HDAC9: variants seen among roughly 807,000 people sequenced by gnomAD.
HDAC9 encodes the protein histone deacetylase 9, also known as MEF-2 interacting transcription repressor (MITR) protein.
HDAC9 carries 41 observed loss-of-function variants against 139.4 expected under a neutral mutation model. That is an observed-to-expected ratio of 0.29 (90% CI 0.23 to 0.38). The LOEUF (loss-of-function observed/expected upper bound fraction) is 0.38. Ranked by LOEUF, HDAC9 falls within the 10% of genes least tolerant of loss-of-function variation. HDAC9 has a pLI of 1.00. For missense variants in HDAC9, 1,147 were observed against 1,297.0 expected, an observed-to-expected ratio of 0.88 and a Z score of 1.78; for synonymous variants, 517 against 476.2, an observed-to-expected ratio of 1.09 and a Z score of -1.12.
intron 2 of HDAC9, among the ~76,000 whole-genome samples, chr7:18,225,260 C>G (rs562051876): frequency 6.6e-6 from 1 of 152,292 alleles, no homozygotes; most frequent in South Asian, 2.1e-4. Flanking sequence ...AAGTTATACA[C>G]TGAGTATGCC....
At chr7:18,685,334 A>T in intron 12 of HDAC9, among the ~76,000 whole-genome samples, 1 of 151,952 alleles carries the variant, frequency 6.6e-6, no homozygotes, top group African/African-American at 2.4e-5. Context: ...GGCCTATGTG[A>T]TGGAGAAGCA....
intron 23 of HDAC9, among the ~76,000 whole-genome samples, chr7:18,952,527 A>G (rs1449495420): frequency 6.6e-6 from 1 of 151,976 alleles, no homozygotes; most frequent in Non-Finnish European, 1.5e-5. Flanking sequence ...AAGATATTTT[A>G]TTAGTAAAAT....
At chr7:18,092,272 C>T (rs1167706978) in intron 1 of HDAC9, among the ~76,000 whole-genome samples, 1 of 152,068 alleles carries the variant, frequency 6.6e-6, no homozygotes, top group African/African-American at 2.4e-5. Flanking sequence ...TGCCTGAAGT[C>T]CCAGCTAGTT....
chr7:18,713,690 C>T (rs1784504311), intron 12 of HDAC9, among the ~76,000 whole-genome samples: 1 of 151,928 alleles, frequency 6.6e-6, no homozygotes, highest in African/African-American at 2.4e-5. Context: ...GAAAAATCAA[C>T]ATGTGCATAA....
At chr7:18,744,342 T>C (rs1448901123) in intron 13 of HDAC9, among the ~76,000 whole-genome samples, 1 of 152,210 alleles carries the variant, frequency 6.6e-6, no homozygotes, top group African/African-American at 2.4e-5. Context: ...TGCTAGAATC[T>C]GGAACATAGT....
rs1395481488 is a variant in HDAC9, at chr7:18,332,148, C to T, written c.-42+41633C>T. On this transcript the variant is annotated intron_variant, in intron 1 of 3. Coordinates refer to the HDAC9 transcript ENST00000413509. The stretch of plus-strand genomic sequence containing the variant: ...TCTAACAGAGTGAGTAATTCACACA[C>T]AGATACTTAATAATTTCCCTGATTA... 2.0e-5 allele frequency among the ~76,000 whole-genome samples: 3 copies of T among 151,670 alleles called. No homozygotes were observed. In the Admixed American group the frequency reaches 2.0e-4, roughly 10 times the overall value.
chr7:18,210,484 T>C (rs1159279663), intron 2 of HDAC9, among the ~76,000 whole-genome samples: 1 of 152,212 alleles, frequency 6.6e-6, no homozygotes, highest in Non-Finnish European at 1.5e-5. Context: ...CCTTTAGAAC[T>C]AAAGATATGT....
At chr7:18,168,895 T>G (rs146702536) in intron 2 of HDAC9, among the ~76,000 whole-genome samples, 13,296 of 117,016 alleles carry the variant, frequency 0.11, 877 homozygotes, top group African/African-American at 0.25. Context: ...TTTTTTTTTT[T>G]TTTGTGTGTG....
chr7:18,120,457 C>G (rs962891858), intron 1 of HDAC9, among the ~76,000 whole-genome samples: 1 of 152,192 alleles, frequency 6.6e-6, no homozygotes, highest in Admixed American at 6.5e-5. Flanking sequence ...CCATTCCAGT[C>G]TGTAAAGCCA....
At chr7:18,174,808 C>G (rs1000275887) in intron 2 of HDAC9, among the ~76,000 whole-genome samples, 1 of 152,154 alleles carries the variant, frequency 6.6e-6, no homozygotes, top group Non-Finnish European at 1.5e-5. Flanking sequence ...ATATTGCTGC[C>G]TGATCCTTCC....
At chr7:18,181,943 C>T (rs1031595593) in intron 2 of HDAC9, among the ~76,000 whole-genome samples, 5 of 152,196 alleles carry the variant, frequency 3.3e-5, no homozygotes, top group Non-Finnish European at 5.9e-5. Flanking sequence ...GAGATCACAT[C>T]TGGCTCAAGG....
At chr7:18,542,558 T>A (rs893517057) in intron 2 of HDAC9, among the ~76,000 whole-genome samples, 4 of 152,200 alleles carry the variant, frequency 2.6e-5, no homozygotes, top group Admixed American at 6.5e-5. Flanking sequence ...GATACTTTTT[T>A]AAAAAGATTA....
intron 25 of HDAC9, among the ~76,000 whole-genome samples, chr7:18,987,952 C>A (rs962466655): frequency 2.1e-4 from 29 of 135,790 alleles, no homozygotes; most frequent in African/African-American, 6.9e-4. Flanking sequence ...TTTGATTCTT[C>A]TCCCTTTTCT....
intron 22 of HDAC9, among the ~76,000 whole-genome samples, chr7:18,930,977 T>G (rs1373462419): frequency 1.3e-5 from 2 of 152,232 alleles, no homozygotes; most frequent in African/African-American, 4.8e-5. Flanking sequence ...GTGATTTGGT[T>G]TGTTCAGTAG....
At chr7:18,639,548 T>C (rs1047472604) in intron 8 of HDAC9, among the ~76,000 whole-genome samples, 8 of 152,098 alleles carry the variant, frequency 5.3e-5, no homozygotes, top group Admixed American at 1.3e-4. Context: ...AATGAAAACT[T>C]GAGAGATTTC....
At chr7:18,566,940 T>A (rs2128727424) in intron 2 of HDAC9, among the ~76,000 whole-genome samples, 1 of 152,314 alleles carries the variant, frequency 6.6e-6, no homozygotes, top group African/African-American at 2.4e-5. Context: ...TACCATACCG[T>A]ATGTTCAGAA....
chr7:18,707,205 C>T (rs1047445195), intron 12 of HDAC9, among the ~76,000 whole-genome samples: 1 of 152,322 alleles, frequency 6.6e-6, no homozygotes, highest in East Asian at 1.9e-4. Context: ...AGGAGAGAAT[C>T]ACTAACAATG....
At chr7:18,926,118 G>A (rs1290919301) in intron 22 of HDAC9, among the ~76,000 whole-genome samples, 1 of 152,304 alleles carries the variant, frequency 6.6e-6, no homozygotes, top group African/African-American at 2.4e-5. Context: ...GGAGGCCGAG[G>A]CAGGAGGATT....
chr7:18,883,642 C>T (rs1799901522), intron 22 of HDAC9, among the ~76,000 whole-genome samples: 2 of 152,024 alleles, frequency 1.3e-5, no homozygotes, highest in African/African-American at 2.4e-5. Flanking sequence ...TAAGGATGCT[C>T]ACTCTCGCCA....
Sources: allele counts gnomAD v4.1 joint callset (sites outside exome capture counted in the v4.1 genomes callset), GRCh38; gene constraint gnomAD v4.1.1; transcripts MANE v1.5; gene names NCBI Gene and HGNC (gene_info 2026-07-23, HGNC 2026-07-21).